Variants in PPP4R1 observed in about 807,000 individuals in gnomAD.
PPP4R1 encodes serine/threonine-protein phosphatase 4 regulatory subunit 1.
A neutral mutation model predicts 111.2 loss-of-function variants in PPP4R1; 42 were observed. The observed-to-expected ratio is 0.38, with a 90% CI of 0.29 to 0.49. PPP4R1 has a LOEUF of 0.49. Ranked by LOEUF, PPP4R1 falls within the 20% of genes least tolerant of loss-of-function variation. The probability of loss-of-function intolerance (pLI) is 0.97; values close to 1 mark genes in which losing one functional copy is unlikely to be tolerated. For synonymous variants in PPP4R1, 409 were observed against 405.5 expected, an observed-to-expected ratio of 1.01 and a Z score of -0.10; for missense variants, 1,012 against 1,161.6, an observed-to-expected ratio of 0.87 and a Z score of 1.87.
rs770965299 is a variant in PPP4R1 at position 9,559,648 on chromosome 18, C to T, written c.1843-44G>A. The T allele has an allele frequency of 6.3e-6, 9 of 1,428,550 alleles. 1 individual carries two copies. In the South Asian group the frequency reaches 1.1e-4, roughly 18 times the overall value. 88.5% of individuals were successfully genotyped at this position (1,428,550 alleles called of 1,614,324 possible). A position where few individuals can be genotyped will look rare whatever the true frequency, so the allele number is the denominator to read the frequency against. ...CCACAGTGACTGAGCAGCTGAGATGCATTTTGAGCAGTTTAGACATAAATT... is the reference window on the plus strand; with the variant it reads ...CCACAGTGACTGAGCAGCTGAGATGTATTTTGAGCAGTTTAGACATAAATT... On this transcript the variant is annotated intron_variant, in intron 13 of 19. Coordinates refer to ENST00000400556, the MANE Select transcript of PPP4R1 (RefSeq NM_001042388.3).
intron 2 of PPP4R1, among the ~76,000 whole-genome samples, chr18:9,608,035 C>T (rs1043267979): frequency 3.5e-5 from 5 of 144,026 alleles, no homozygotes; most frequent in African/African-American, 5.1e-5. Flanking sequence ...CCACCCGCCT[C>T]GTTCTCCCAA....
At chr18:9,569,931 G>GT (rs1370700910) in intron 11 of PPP4R1, among the ~76,000 whole-genome samples, 1 of 151,802 alleles carries the variant, frequency 6.6e-6, no homozygotes, top group Non-Finnish European at 1.5e-5. Context: ...TTATTTTTTT[G>GT]TAGAGATGGG....
At chr18:9,577,445 G>A (rs576581051) in intron 9 of PPP4R1, among the ~76,000 whole-genome samples, 2 of 152,246 alleles carry the variant, frequency 1.3e-5, no homozygotes, top group Admixed American at 6.5e-5. Context: ...TGGGCAGATC[G>A]CTTGAGTCCA....
At chr18:9,556,343 C>T (rs1001850564) in intron 15 of PPP4R1, among the ~76,000 whole-genome samples, 5 of 151,614 alleles carry the variant, frequency 3.3e-5, no homozygotes, top group Non-Finnish European at 5.9e-5. Context: ...CAGGTGCCTA[C>T]CACCACGCCC....
chr18:9,560,429 G>A (rs1197586995), intron 13 of PPP4R1, among the ~76,000 whole-genome samples: 6 of 152,020 alleles, frequency 3.9e-5, no homozygotes, highest in African/African-American at 1.5e-4. Flanking sequence ...AAATATAGCT[G>A]TGGAAGGATA....
intron 2 of PPP4R1, among the ~76,000 whole-genome samples, chr18:9,605,566 C>CAAAAA (rs34208690): frequency 1.6e-4 from 11 of 67,636 alleles, no homozygotes; most frequent in African/African-American, 3.5e-4. Context: ...GCAGTCCTGT[C>CAAAAA]AAAAAAAAAA....
At chr18:9,553,498 G>T in intron 15 of PPP4R1, 76 bp from the exon 16 acceptor site, 1 of 914,590 alleles carries the variant, frequency 1.1e-6, no homozygotes, top group Non-Finnish European at 1.7e-6. Context: ...CTTAAAAACA[G>T]ACTGTAAGCA....
intron 11 of PPP4R1, among the ~76,000 whole-genome samples, chr18:9,566,648 GACACAC>G (rs56772611): frequency 0.084 from 12,142 of 144,070 alleles, 556 homozygotes; most frequent in Non-Finnish European, 0.11. Flanking sequence ...GAGGCGCTGT[GACACAC>G]ACACACACAC....
At chr18:9,579,552 T>C (rs12953625) in intron 9 of PPP4R1, among the ~76,000 whole-genome samples, 1 of 116,258 alleles carries the variant, frequency 8.6e-6, no homozygotes, top group Middle Eastern at 4.1e-3. Context: ...GTGTGTAAAA[T>C]AGGCATAAGA....
intron 6 of PPP4R1, among the ~76,000 whole-genome samples, chr18:9,587,018 C>T (rs890230603): frequency 1.3e-5 from 2 of 152,150 alleles, no homozygotes; most frequent in Non-Finnish European, 2.9e-5. Context: ...TCACTGATGT[C>T]ATATATCCTG....
chr18:9,590,911 C>T (rs955952643), intron 4 of PPP4R1, among the ~76,000 whole-genome samples: 1 of 152,110 alleles, frequency 6.6e-6, no homozygotes, highest in Non-Finnish European at 1.5e-5. Flanking sequence ...AGAAGCATCA[C>T]GGAGTGCAAA....
At chr18:9,607,843 T>TG (rs1333107133) in intron 2 of PPP4R1, among the ~76,000 whole-genome samples, 7 of 150,356 alleles carry the variant, frequency 4.7e-5, no homozygotes, top group African/African-American at 1.7e-4. Context: ...AGTGCAATGA[T>TG]GCAATCTCGG....
At chr18:9,605,024 A>C (rs979999583) in intron 2 of PPP4R1, among the ~76,000 whole-genome samples, 56 of 152,348 alleles carry the variant, frequency 3.7e-4, no homozygotes, top group African/African-American at 1.3e-3. Context: ...AAAATTGATC[A>C]AAACACCCTT....
intron 15 of PPP4R1, among the ~76,000 whole-genome samples, chr18:9,555,876 C>T (rs1001514965): frequency 3.3e-5 from 5 of 152,108 alleles, no homozygotes; most frequent in Admixed American, 1.3e-4. Flanking sequence ...GTGGCTCACG[C>T]CTGTAATCCC....
intron 9 of PPP4R1, among the ~76,000 whole-genome samples, 157 bp downstream of exon 9, chr18:9,582,960 A>G (rs953770577): frequency 6.6e-6 from 1 of 152,234 alleles, no homozygotes; most frequent in East Asian, 1.9e-4. Flanking sequence ...AAAAACACAC[A>G]AACTGTTAAT....
chr18:9,602,052 T>G (rs946964340), intron 2 of PPP4R1, among the ~76,000 whole-genome samples: 3 of 152,090 alleles, frequency 2.0e-5, no homozygotes, highest in South Asian at 2.1e-4. Flanking sequence ...CCTATAGAAC[T>G]GAATGACTTT....
chr18:9,559,499 G>C lies in PPP4R1; in HGVS notation c.1948C>G (p.Pro650Ala). 1 of 1,613,978 alleles carries C rather than the reference G, an allele frequency of 6.2e-7. No homozygotes were observed. The highest frequency in any genetic ancestry group is 8.5e-7 in the Non-Finnish European group (1 of 1,179,928). ...EIAKHCAYSLPGVALTLGRQN... is the reference protein window; with the variant it reads ...EIAKHCAYSLAGVALTLGRQN... ...CTTCCGAGTGTCAAGGCCACACCAGGGAGGCTATATGCACAGTGCTTAGCA... is the reference window on the plus strand; with the variant it reads ...CTTCCGAGTGTCAAGGCCACACCAGCGAGGCTATATGCACAGTGCTTAGCA... Residue 650 changes from proline (P) to alanine (A), a missense_variant, in exon 14 of 20, where the codon CCT becomes GCT. By Grantham distance (27) the Pro-to-Ala change is conservative. Around this residue, in one of 2 missense-constraint regions of PPP4R1, gnomAD observed 305 missense variants for 419.5 expected, o/e 0.73. Transcript: ENST00000400556.
In PPP4R1 at chr18:9,588,778, A is replaced by T. The variant is rs914446269; in HGVS notation, c.371T>A (p.Ile124Lys). 1.2e-6 allele frequency: 2 copies of T among 1,613,938 alleles called. No individual in the cohort carries two copies. Among genetic ancestry groups the T allele is most frequent in the African/African-American group, 2.7e-5 (2 of 74,928 alleles). The stretch of plus-strand genomic sequence containing the variant: ...TAAGAATTTTGAAAAAGCATATGGT[A>T]TTGAAGGCCGGTTTTCTTGACAAAA... ...ALFCQENRPSIPYAFSKFLLP... is the reference protein window; with the variant it reads ...ALFCQENRPSKPYAFSKFLLP... The change falls in exon 5 of 20, where the codon ATA becomes AAA. Residue 124 changes from isoleucine to lysine, a missense_variant. Physicochemically the swap from Ile to Lys is moderately radical, Grantham distance 102 (BLOSUM62 -3). This residue lies in a region of PPP4R1 where 707 missense variants were observed against 742.1 expected (regional missense o/e 0.95). Coordinates refer to ENST00000400556, the MANE Select transcript of PPP4R1 (RefSeq NM_001042388.3).
intron 15 of PPP4R1, among the ~76,000 whole-genome samples, chr18:9,556,043 C>T (rs1032149007): frequency 1.3e-5 from 2 of 151,152 alleles, no homozygotes; most frequent in African/African-American, 4.9e-5. Flanking sequence ...CACCTGTAGT[C>T]CCAGCTACTC....
Sources: allele counts gnomAD v4.1 joint callset (sites outside exome capture counted in the v4.1 genomes callset), GRCh38; gene constraint gnomAD v4.1.1; regional missense constraint gnomAD v4.1.1; transcripts MANE v1.5; gene names NCBI Gene and HGNC (gene_info 2026-07-23, HGNC 2026-07-21).